The following B3GALT1 variants were observed in gnomAD, a reference collection of about 807,000 sequenced individuals.
B3GALT1 encodes the protein UDP-Gal:betaGlcNAc beta 1,3-galactosyltransferase, polypeptide 1.
A neutral mutation model predicts 23.2 loss-of-function variants in B3GALT1; 10 were observed. The observed-to-expected ratio is 0.43, with a 90% CI of 0.27 to 0.73. B3GALT1 has a LOEUF of 0.73. Among genes scored for constraint, B3GALT1 ranks in the 30% least tolerant of loss-of-function variants. The probability of loss-of-function intolerance (pLI) is 0.21; values close to 1 mark genes in which losing one functional copy is unlikely to be tolerated. For synonymous variants in B3GALT1, 156 were observed against 141.5 expected, an observed-to-expected ratio of 1.10 and a Z score of -0.73; for missense variants, 299 against 405.4, an observed-to-expected ratio of 0.74 and a Z score of 2.25.
intron 2 of B3GALT1, among the ~76,000 whole-genome samples, chr2:167,564,344 C>T (rs868035843): frequency 2.4e-4 from 33 of 140,382 alleles, no homozygotes; most frequent in Middle Eastern, 8.5e-3. Flanking sequence ...CTAGATGGGA[C>T]GGCGGCCGGG....
intron 3 of B3GALT1, among the ~76,000 whole-genome samples, chr2:167,650,972 T>C (rs1685852851): frequency 6.6e-6 from 1 of 152,170 alleles, no homozygotes; most frequent in African/African-American, 2.4e-5. Context: ...TCCTTAATTA[T>C]GTGTTCCCCA....
chr2:167,578,921 G>A (rs1359076745), intron 2 of B3GALT1, among the ~76,000 whole-genome samples: 2 of 152,018 alleles, frequency 1.3e-5, no homozygotes, highest in African/African-American at 4.8e-5. Flanking sequence ...AATGGAGCGT[G>A]TATAATAGGA....
chr2:167,713,281 C>T (rs1004463761), intron 3 of B3GALT1, among the ~76,000 whole-genome samples: 8 of 152,072 alleles, frequency 5.3e-5, no homozygotes, highest in South Asian at 2.1e-4. Flanking sequence ...TAAGGCATTA[C>T]GAAGGTTTTC....
intron 3 of B3GALT1, among the ~76,000 whole-genome samples, chr2:167,665,964 C>T (rs1282913748): frequency 6.6e-6 from 1 of 152,118 alleles, no homozygotes; most frequent in Non-Finnish European, 1.5e-5. Flanking sequence ...CTATTTCCTT[C>T]AGTTCTGCTC....
chr2:167,422,294 C>T (rs1480261700), intron 1 of B3GALT1, among the ~76,000 whole-genome samples: 1 of 151,816 alleles, frequency 6.6e-6, no homozygotes, highest in Non-Finnish European at 1.5e-5. Flanking sequence ...AGCACAGCAG[C>T]CTGCAAGCCA....
chr2:167,305,381 A>G (rs956741157), intron 1 of B3GALT1, among the ~76,000 whole-genome samples: 31 of 152,164 alleles, frequency 2.0e-4, no homozygotes, highest in African/African-American at 7.5e-4. Flanking sequence ...ATTTATTATG[A>G]GACAGTTCCT....
chr2:167,771,363 G>A (rs1283107467), intron 3 of B3GALT1, among the ~76,000 whole-genome samples: 1 of 152,152 alleles, frequency 6.6e-6, no homozygotes, highest in Non-Finnish European at 1.5e-5. Flanking sequence ...GCCGAGGCGG[G>A]CAGCTCACTT....
chr2:167,430,695 T>C (rs115685330), intron 1 of B3GALT1, among the ~76,000 whole-genome samples: 2,664 of 152,224 alleles, frequency 0.018, 36 homozygotes, highest in Non-Finnish European at 0.026. Context: ...ATGGAGTTGA[T>C]ACTAACTAGA....
chr2:167,384,948 C>A (rs988739685), intron 1 of B3GALT1, among the ~76,000 whole-genome samples: 1 of 152,062 alleles, frequency 6.6e-6, no homozygotes, highest in Non-Finnish European at 1.5e-5. Flanking sequence ...CCCTCCAAAT[C>A]ATCAGCAGTG....
At chr2:167,713,825 A>C in intron 3 of B3GALT1, 2 of 1,592,878 alleles carry the variant, frequency 1.3e-6, no homozygotes, top group Non-Finnish European at 1.7e-6. Flanking sequence ...TCTCATTGCA[A>C]ATGGAGCATG....
chr2:167,598,753 A>G (rs1684825572), intron 2 of B3GALT1, among the ~76,000 whole-genome samples: 1 of 152,186 alleles, frequency 6.6e-6, no homozygotes, highest in African/African-American at 2.4e-5. Context: ...TGTTTGTTAC[A>G]TATATAATAG....
chr2:167,312,557 G>A (rs77765723), intron 1 of B3GALT1, among the ~76,000 whole-genome samples: 6,917 of 151,972 alleles, frequency 0.046, 214 homozygotes, highest in East Asian at 0.12. Context: ...TAGAACAACA[G>A]GCACCAATAG....
intron 3 of B3GALT1, among the ~76,000 whole-genome samples, chr2:167,709,848 T>G (rs1273707741): frequency 6.6e-6 from 1 of 152,078 alleles, no homozygotes; most frequent in Non-Finnish European, 1.5e-5. Flanking sequence ...ATTTATGAAA[T>G]GAGACAAATA....
intron 2 of B3GALT1, among the ~76,000 whole-genome samples, chr2:167,498,059 C>T (rs922965692): frequency 6.6e-6 from 1 of 152,056 alleles, no homozygotes; most frequent in Non-Finnish European, 1.5e-5. Context: ...ACTTCTGTTC[C>T]GTTTTGCTCT....
chr2:167,733,227 G>C (rs949608455), intron 3 of B3GALT1, among the ~76,000 whole-genome samples: 1 of 152,046 alleles, frequency 6.6e-6, no homozygotes, highest in African/African-American at 2.4e-5. Flanking sequence ...TGACACCCTG[G>C]ATAACTTCTC....
At chr2:167,499,023 T>A (rs1349272294) in intron 2 of B3GALT1, among the ~76,000 whole-genome samples, 2 of 152,192 alleles carry the variant, frequency 1.3e-5, no homozygotes, top group African/African-American at 2.4e-5. Context: ...TGGTCGTTTT[T>A]TGAGTTGGTG....
chr2:167,463,139 T>G (rs921634679), intron 1 of B3GALT1, among the ~76,000 whole-genome samples: 2 of 152,124 alleles, frequency 1.3e-5, no homozygotes, highest in African/African-American at 4.8e-5. Flanking sequence ...TTTGTCTGTT[T>G]CTGATAACTA....
rs1690332192 is a variant in B3GALT1, at chr2:167,870,803, T to C, written c.*783T>C. On this transcript the variant is annotated 3_prime_UTR_variant, in exon 5 of 5. Transcript: ENST00000392690. ...CTTTGCCAAATATAATCTCACCTGC[T>C]TCCTTCCAGACAGTGTCGCTAAGTG... 1 of 167,172 alleles carries C rather than the reference T, an allele frequency of 6.0e-6. No individual in the cohort carries two copies. Among genetic ancestry groups the C allele is most frequent in the East Asian group, 1.9e-4 (1 of 5,196 alleles). 10.4% of individuals were successfully genotyped at this position (167,172 alleles called of 1,614,324 possible).
chr2:167,667,521 T>A (rs1686224729), intron 3 of B3GALT1, among the ~76,000 whole-genome samples: 1 of 152,204 alleles, frequency 6.6e-6, no homozygotes, highest in African/African-American at 2.4e-5. Flanking sequence ...GGGGAAGTTC[T>A]CCTGGATAAT....
Sources: allele counts gnomAD v4.1 joint callset (sites outside exome capture counted in the v4.1 genomes callset), GRCh38; gene constraint gnomAD v4.1.1; transcripts MANE v1.5; gene names NCBI Gene and HGNC (gene_info 2026-07-23, HGNC 2026-07-21).